Variants in KCNN3 observed in about 807,000 individuals in gnomAD.
The protein encoded by KCNN3 is small conductance calcium-activated potassium channel protein 3.
Under a neutral mutation model 62.9 loss-of-function variants are expected in KCNN3, and 16 were observed. The observed-to-expected ratio is 0.25, with a 90% CI of 0.17 to 0.39. The LOEUF is 0.39. KCNN3 is among the 10% of genes least tolerant of loss of function. The probability of loss-of-function intolerance (pLI) is 1.00; values close to 1 mark genes in which losing one functional copy is unlikely to be tolerated. For synonymous variants in KCNN3, 370 were observed against 389.2 expected (o/e 0.95, Z 0.58); for missense variants, 599 against 949.4 (o/e 0.63, Z 4.85).
chr1:154,758,485 G>C (rs906127726), intron 3 of KCNN3, among the ~76,000 whole-genome samples: 2 of 152,252 alleles, frequency 1.3e-5, no homozygotes, highest in East Asian at 3.8e-4. Flanking sequence ...GGCCCTGTCT[G>C]AGAGGGCCCG....
At chr1:154,756,378 A>G (rs532014303) in intron 3 of KCNN3, among the ~76,000 whole-genome samples, 1 of 152,094 alleles carries the variant, frequency 6.6e-6, no homozygotes, top group Admixed American at 6.5e-5. Flanking sequence ...AAAAGATAAA[A>G]CTCTTTAAAG....
At chr1:154,815,967 G>A (rs1296715374) in intron 2 of KCNN3, among the ~76,000 whole-genome samples, 7 of 152,156 alleles carry the variant, frequency 4.6e-5, no homozygotes, top group Non-Finnish European at 1.0e-4. Context: ...CACATTACAC[G>A]CACCCAGGAG....
intron 1 of KCNN3, 123 bp downstream of exon 1, chr1:154,868,904 CTCTCT>C: frequency 5.4e-6 from 1 of 183,490 alleles, no homozygotes; most frequent in Non-Finnish European, 7.7e-6. Flanking sequence ...CTCTCAATCT[CTCTCT>C]CTCTCTCTCT....
intron 3 of KCNN3, among the ~76,000 whole-genome samples, chr1:154,742,444 C>A (rs1222667305): frequency 6.6e-6 from 1 of 152,228 alleles, no homozygotes; most frequent in Non-Finnish European, 1.5e-5. Context: ...GTCTTCCCAC[C>A]TGTAAAAGAG....
Position 154,772,540 on chromosome 1 carries a change from G to T in KCNN3, c.1030-147C>A. ...GCATGCTCTTTAGGGGCCTTGCTAT[G>T]TGGCAAGAGCCCTGTATGTGGAGTA... On this transcript the variant is annotated intron_variant, in intron 2 of 7. Coordinates refer to ENST00000271915, the MANE Select transcript of KCNN3 (RefSeq NM_002249.6). This position sits in a 1 kb window ranked among gnomAD's most constrained non-coding sequence, Gnocchi z 5.6. The T allele has an allele frequency of 1.3e-6, 1 of 751,750 alleles. No homozygotes were observed. The highest frequency in any genetic ancestry group is 2.3e-6 in the Non-Finnish European group (1 of 433,496). The allele number at this position is 751,750 out of a possible 1,614,324, so 46.6% of individuals were successfully genotyped here. A position where few individuals can be genotyped will look rare whatever the true frequency, so the allele number is the denominator to read the frequency against.
intron 4 of KCNN3, among the ~76,000 whole-genome samples, chr1:154,726,314 C>A (rs1045590066): frequency 2.6e-5 from 4 of 152,116 alleles, no homozygotes; most frequent in African/African-American, 9.7e-5. Flanking sequence ...TGGGTGGCGC[C>A]GAGGCTTTGG....
chr1:154,815,148 G>C (rs915947115), intron 2 of KCNN3, among the ~76,000 whole-genome samples: 1 of 152,028 alleles, frequency 6.6e-6, no homozygotes, highest in East Asian at 1.9e-4. Flanking sequence ...AGTCTGTCTG[G>C]GGGTCTCAAG....
chr1:154,865,125 T>G (rs1652903027), intron 1 of KCNN3, among the ~76,000 whole-genome samples: 1 of 151,956 alleles, frequency 6.6e-6, no homozygotes, highest in African/African-American at 2.4e-5. Context: ...CCTAATTCTT[T>G]CTGAACCCAG....
At chr1:154,808,019 C>T (rs937280944) in intron 2 of KCNN3, among the ~76,000 whole-genome samples, 1 of 152,204 alleles carries the variant, frequency 6.6e-6, no homozygotes, top group African/African-American at 2.4e-5. Flanking sequence ...CCATAATCTA[C>T]ACCCGTCTCC....
chr1:154,778,507 G>C (rs1439502097), intron 2 of KCNN3, among the ~76,000 whole-genome samples: 1 of 151,910 alleles, frequency 6.6e-6, no homozygotes, highest in Admixed American at 6.6e-5. Flanking sequence ...TGCAGAAAAG[G>C]CCACAGATTC....
chr1:154,728,988 CT>C (rs1411190827), intron 4 of KCNN3, among the ~76,000 whole-genome samples: 1 of 152,172 alleles, frequency 6.6e-6, no homozygotes, highest in African/African-American at 2.4e-5. Context: ...CTTTGGGATG[CT>C]GGGCCCTTTC....
chr1:154,819,505 A>G (rs1265568056), intron 2 of KCNN3, among the ~76,000 whole-genome samples: 1 of 152,164 alleles, frequency 6.6e-6, no homozygotes, highest in African/African-American at 2.4e-5. Context: ...AGAAAACTAC[A>G]ATATGGCCCA....
chr1:154,737,336 T>TCA (rs1334289577), intron 3 of KCNN3, among the ~76,000 whole-genome samples: 2 of 152,190 alleles, frequency 1.3e-5, no homozygotes, highest in African/African-American at 4.8e-5. Context: ...GGATTTTTTT[T>TCA]CACTTCTTAA....
At chr1:154,820,643 TC>T (rs1470964234) in intron 2 of KCNN3, among the ~76,000 whole-genome samples, 2 of 152,184 alleles carry the variant, frequency 1.3e-5, no homozygotes, top group Non-Finnish European at 2.9e-5. Flanking sequence ...TACTCCTGGC[TC>T]CTTTCTGGGG....
intron 3 of KCNN3, among the ~76,000 whole-genome samples, chr1:154,754,587 G>C (rs933551055): frequency 1.3e-5 from 2 of 152,174 alleles, no homozygotes; most frequent in African/African-American, 4.8e-5. Flanking sequence ...ACCTTATTTT[G>C]TCCATTTCTC....
At chr1:154,795,867 A>G (rs1431858470) in intron 2 of KCNN3, among the ~76,000 whole-genome samples, 2 of 152,192 alleles carry the variant, frequency 1.3e-5, no homozygotes, top group African/African-American at 4.8e-5. Flanking sequence ...GTGTTCCAGG[A>G]GGAAATGGCA....
intron 1 of KCNN3, among the ~76,000 whole-genome samples, chr1:154,866,586 C>A (rs1460618642): frequency 5.9e-5 from 9 of 152,194 alleles, no homozygotes; most frequent in Middle Eastern, 3.2e-3. Context: ...ATAGGAGACA[C>A]CCAGAAAATA....
chr1:154,715,591 C>G (rs1235456728), intron 5 of KCNN3, among the ~76,000 whole-genome samples: 1 of 151,354 alleles, frequency 6.6e-6, no homozygotes, highest in African/African-American at 2.4e-5. Flanking sequence ...TTCTTTCTCT[C>G]TTTCTTTCTC....
intron 1 of KCNN3, among the ~76,000 whole-genome samples, chr1:154,841,342 A>C (rs1651821051): frequency 6.6e-6 from 1 of 152,168 alleles, no homozygotes; most frequent in Admixed American, 6.5e-5. Context: ...AGTGGTTCCC[A>C]AACTTTGCGG....
Sources: gnomAD v4.1 joint callset for allele counts (sites outside exome capture counted in the v4.1 genomes callset) on GRCh38, gnomAD v4.1.1 for gene constraint, Gnocchi (gnomAD v3.1) non-coding constraint, MANE v1.5 for transcripts, NCBI Gene and HGNC (gene_info 2026-07-23, HGNC 2026-07-21) for gene names.